The following FER variants were observed in gnomAD, a reference collection of about 807,000 sequenced individuals.
FER encodes FER tyrosine kinase.
A neutral mutation model predicts 111.0 loss-of-function variants in FER; 63 were observed. The ratio of observed to expected loss-of-function variants is 0.57; its 90% confidence interval spans 0.46 to 0.70. The LOEUF is 0.70. FER is among the 30% of genes least tolerant of loss of function. FER has a pLI of 0.00. For missense variants in FER, 914 were observed against 954.0 expected (o/e 0.96, Z 0.55); for synonymous variants, 327 against 313.9 (o/e 1.04, Z -0.44).
At chr5:109,103,476 A>G (rs978074910) in intron 17 of FER, among the ~76,000 whole-genome samples, 2 of 152,180 alleles carry the variant, frequency 1.3e-5, no homozygotes, top group African/African-American at 4.8e-5. Flanking sequence ...AGGTTACTGC[A>G]TTAAGAAATG....
chr5:109,120,374 T>C (rs78529843), intron 17 of FER, among the ~76,000 whole-genome samples: 5,198 of 152,200 alleles, frequency 0.034, 144 homozygotes, highest in South Asian at 0.084. Flanking sequence ...CTTTCCCTAA[T>C]GTATGCTCTC....
intron 10 of FER, among the ~76,000 whole-genome samples, chr5:108,909,100 C>A (rs1751196591): frequency 6.6e-6 from 1 of 152,052 alleles, no homozygotes; most frequent in South Asian, 2.1e-4. Flanking sequence ...AGATTTTTGA[C>A]AATGTATGTA....
Position 108,754,339 on chromosome 5 carries a change from C to G in FER, c.-206+6339C>G, listed in dbSNP as rs138578393. 1.7e-3 allele frequency among the ~76,000 whole-genome samples: 240 copies of G among 140,738 alleles called. 1 individual carries two copies. The highest frequency in any genetic ancestry group is 2.7e-3 in the Non-Finnish European group (176 of 66,366). The allele number at this position is 140,738 out of a possible 152,430, so 92.3% of individuals were successfully genotyped here. On this transcript the variant is annotated intron_variant, in intron 1 of 19. Coordinates refer to ENST00000281092, the MANE Select transcript of FER (RefSeq NM_005246.4). ...GGAGGATTCCTTGAGCCCAGGAGTTCAATACTGCATTGAGCTATGATTGCA... is the reference window on the plus strand; with the variant it reads ...GGAGGATTCCTTGAGCCCAGGAGTTGAATACTGCATTGAGCTATGATTGCA...
At position 108,935,915 on chromosome 5, in the gene FER, A is replaced by G. The variant is rs556841148; in HGVS notation, c.1237-10215A>G. Among the ~76,000 whole-genome samples the G allele has an allele frequency of 1.1e-4, 16 of 152,220 alleles. No homozygotes were observed. The South Asian group carries it at 2.9e-3, about 28-fold the overall frequency. The stretch of plus-strand genomic sequence containing the variant: ...TTACATTATTGGAGCAATTAAATAT[A>G]CATTTATTGAGCAGACTTCAAATAG... On this transcript the variant is annotated intron_variant, in intron 10 of 19. Coordinates refer to ENST00000281092, the MANE Select transcript of FER (RefSeq NM_005246.4).
At chr5:109,010,310 A>T (rs1766080126) in intron 13 of FER, among the ~76,000 whole-genome samples, 1 of 152,058 alleles carries the variant, frequency 6.6e-6, no homozygotes, top group Admixed American at 6.6e-5. Flanking sequence ...GGCGCCCGCC[A>T]CCACGCCTGG....
At chr5:108,781,865 T>C (rs1754123289) in intron 2 of FER, among the ~76,000 whole-genome samples, 1 of 152,106 alleles carries the variant, frequency 6.6e-6, no homozygotes, top group Admixed American at 6.5e-5. Flanking sequence ...AACAGAATGT[T>C]CTAGCTTATT....
chr5:108,915,330 A>G (rs1439403530), intron 10 of FER, among the ~76,000 whole-genome samples: 3 of 152,058 alleles, frequency 2.0e-5, no homozygotes, highest in Non-Finnish European at 4.4e-5. Context: ...AAAATTAGCC[A>G]GGCGTGGTGG....
chr5:109,032,590 C>T (rs192226821), intron 13 of FER, among the ~76,000 whole-genome samples: 167 of 152,288 alleles, frequency 1.1e-3, no homozygotes, highest in Non-Finnish European at 1.7e-3. Context: ...TCAGTAGCAT[C>T]AGCCAACTCC....
chr5:108,931,217 A>G (rs1468419938), intron 10 of FER, among the ~76,000 whole-genome samples: 1 of 152,136 alleles, frequency 6.6e-6, no homozygotes, highest in African/African-American at 2.4e-5. Context: ...GCAGGTTAGT[A>G]TTCTCTTTTC....
intron 9 of FER, among the ~76,000 whole-genome samples, chr5:108,883,721 T>G (rs11956015): frequency 2.0e-5 from 3 of 152,010 alleles, no homozygotes; most frequent in Non-Finnish European, 2.9e-5. Flanking sequence ...GGAAAAATGA[T>G]TATGTATTTT....
At chr5:108,771,922 G>A (rs964502637) in intron 2 of FER, among the ~76,000 whole-genome samples, 3 of 152,088 alleles carry the variant, frequency 2.0e-5, no homozygotes, top group African/African-American at 7.2e-5. Flanking sequence ...TGGCTGCTAT[G>A]ACAAAATACC....
At chr5:109,101,585 A>G (rs2150068011) in intron 17 of FER, among the ~76,000 whole-genome samples, 1 of 152,184 alleles carries the variant, frequency 6.6e-6, no homozygotes, top group East Asian at 1.9e-4. Flanking sequence ...TGTATTTTAA[A>G]TATGGTTCAA....
intron 17 of FER, among the ~76,000 whole-genome samples, chr5:109,176,299 G>A (rs1014333079): frequency 6.6e-6 from 1 of 152,134 alleles, no homozygotes; most frequent in Non-Finnish European, 1.5e-5. Flanking sequence ...CTATTTACCT[G>A]TTTAAAAAGA....
At chr5:109,146,379 A>G (rs1254545278) in intron 17 of FER, among the ~76,000 whole-genome samples, 2 of 146,110 alleles carry the variant, frequency 1.4e-5, no homozygotes, top group African/African-American at 5.0e-5. Flanking sequence ...TGGGAGCACA[A>G]GTAGAAATCC....
rs115672134 is a variant in FER, at chr5:108,878,156, C to T, written c.924-5240C>T. On this transcript the variant is annotated intron_variant, in intron 8 of 19. Transcript: ENST00000281092. ...TCCTGACCTCAACTGATCTACCCGC[C>T]GCAGCCTCCCAAAGTGCTGCGATTA... Among the ~76,000 whole-genome samples the T allele has an allele frequency of 6.1e-3, 934 of 152,190 alleles. 16 individuals carry two copies. Among genetic ancestry groups the T allele is most frequent in the African/African-American group, 0.022 (896 of 41,542 alleles).
At chr5:109,113,150 A>G (rs867985060) in intron 17 of FER, among the ~76,000 whole-genome samples, 4 of 152,186 alleles carry the variant, frequency 2.6e-5, no homozygotes, top group East Asian at 1.9e-4. Flanking sequence ...TACAGAGTTC[A>G]TCTTCCACAA....
chr5:108,787,287 C>T (rs929683162), intron 2 of FER, among the ~76,000 whole-genome samples: 1 of 152,202 alleles, frequency 6.6e-6, no homozygotes, highest in Non-Finnish European at 1.5e-5. Context: ...CACCATCGTC[C>T]CCTCTGGACT....
chr5:109,108,394 T>C (rs1749202451), intron 17 of FER, among the ~76,000 whole-genome samples: 1 of 152,158 alleles, frequency 6.6e-6, no homozygotes, highest in African/African-American at 2.4e-5. Flanking sequence ...CATATGGATA[T>C]CCCTCTTATG....
intron 8 of FER, among the ~76,000 whole-genome samples, chr5:108,879,358 C>G (rs1485024800): frequency 6.6e-6 from 1 of 151,974 alleles, no homozygotes; most frequent in East Asian, 1.9e-4. Flanking sequence ...TATTGTCTCG[C>G]ATGCATTAAC....
Sources: gnomAD v4.1 joint callset for allele counts (sites outside exome capture counted in the v4.1 genomes callset) on GRCh38, gnomAD v4.1.1 for gene constraint, MANE v1.5 for transcripts, NCBI Gene and HGNC (gene_info 2026-07-23, HGNC 2026-07-21) for gene names.